Variants in GSR observed in about 807,000 individuals in gnomAD.
The protein encoded by GSR is glutathione-disulfide reductase.
Under a neutral mutation model 56.5 loss-of-function variants are expected in GSR, and 48 were observed. The ratio of observed to expected loss-of-function variants is 0.85; its 90% CI spans 0.67 to 1.08. The LOEUF (loss-of-function observed/expected upper bound fraction) is 1.08, where lower values mean the gene tolerates loss of function less well. Among genes scored for constraint, GSR ranks in the 50% least tolerant of loss-of-function variants. GSR has a pLI of 0.00. For synonymous variants in GSR, 264 were observed against 270.8 expected (o/e 0.97, Z 0.25); for missense variants, 694 against 703.3 (o/e 0.99, Z 0.15).
At chr8:30,700,200 AT>A in intron 5 of GSR, 65 bp from the exon 6 acceptor site, 1 of 1,155,956 alleles carries the variant, frequency 8.7e-7, no homozygotes, top group Non-Finnish European at 1.3e-6. Context: ...TAATCACAAC[AT>A]TTTATGCCAA....
At chr8:30,716,876 G>A (rs941696652) in intron 1 of GSR, among the ~76,000 whole-genome samples, 7 of 152,156 alleles carry the variant, frequency 4.6e-5, no homozygotes, top group South Asian at 2.1e-4. Context: ...GCATGCTCTC[G>A]CTCACCCATC....
Position 30,709,922 on chromosome 8 carries a change from A to G in GSR, c.334-20T>C. ...CATTACCTGTAAAAAAAAAAAAAAA[A>G]AAGGATCCAAAACAGCAGTAAATCA... On this transcript the variant is annotated intron_variant, in intron 2 of 12. Coordinates refer to ENST00000221130, the MANE Select transcript of GSR (RefSeq NM_000637.5). The G allele has an allele frequency of 7.2e-7, 1 of 1,382,160 alleles. No individual in the cohort carries two copies. Among genetic ancestry groups the G allele is most frequent in the Non-Finnish European group, 1.0e-6 (1 of 981,224 alleles). 85.6% of individuals were successfully genotyped at this position (1,382,160 alleles called of 1,614,324 possible).
At chr8:30,695,086 T>G (rs1046670141) in intron 7 of GSR, among the ~76,000 whole-genome samples, 1 of 151,316 alleles carries the variant, frequency 6.6e-6, no homozygotes, top group African/African-American at 2.4e-5. Flanking sequence ...AAATTTCAAG[T>G]GTATGATCTA....
intron 9 of GSR, among the ~76,000 whole-genome samples, chr8:30,684,624 G>A (rs1241926808): frequency 1.3e-5 from 2 of 152,184 alleles, no homozygotes; most frequent in Non-Finnish European, 2.9e-5. Flanking sequence ...CAGACATGAA[G>A]AGGATCACTC....
intron 10 of GSR, 124 bp downstream of exon 10, chr8:30,683,964 T>C (rs2128737672): frequency 1.3e-6 from 1 of 761,180 alleles, no homozygotes; most frequent in East Asian, 2.5e-5. Flanking sequence ...TTGTACCATT[T>C]TGACAATATA....
At chr8:30,708,194 A>C (rs1803981978) in intron 3 of GSR, 53 bp from the exon 4 acceptor site, 1 of 1,278,912 alleles carries the variant, frequency 7.8e-7, no homozygotes, top group Non-Finnish European at 1.1e-6. Context: ...CCTTCTAGTT[A>C]GTAACTAAGG....
At chr8:30,700,880 G>A (rs1281977329) in intron 5 of GSR, among the ~76,000 whole-genome samples, 4 of 152,070 alleles carry the variant, frequency 2.6e-5, no homozygotes, top group Non-Finnish European at 5.9e-5. Flanking sequence ...TGAAACCTTT[G>A]GATATAGGAT....
intron 7 of GSR, among the ~76,000 whole-genome samples, chr8:30,695,420 G>A (rs1803511927): frequency 6.6e-6 from 1 of 151,948 alleles, no homozygotes; most frequent in Non-Finnish European, 1.5e-5. Flanking sequence ...TTTTAGTAGA[G>A]ATGGGGTTTC....
chr8:30,724,328 G>A (rs1332545287), intron 1 of GSR, among the ~76,000 whole-genome samples: 1 of 152,140 alleles, frequency 6.6e-6, no homozygotes, highest in Non-Finnish European at 1.5e-5. Context: ...TCACTGGTTT[G>A]CTCAAACCCA....
At chr8:30,706,190 AG>A (rs1272373177) in intron 4 of GSR, among the ~76,000 whole-genome samples, 1 of 151,002 alleles carries the variant, frequency 6.6e-6, no homozygotes, top group Non-Finnish European at 1.5e-5. Context: ...AAAAAAAAAA[AG>A]TTACTGATCT....
At chr8:30,725,580 C>A (rs73581165) in intron 1 of GSR, among the ~76,000 whole-genome samples, 17,888 of 149,180 alleles carry the variant, frequency 0.12, 3,310 homozygotes, top group African/African-American at 0.4. Flanking sequence ...TAGATAAATA[C>A]ATTTTAAAAA....
In GSR at chr8:30,700,722, C is replaced by CAAA. The variant is rs1563535549; in HGVS notation, c.641-588_641-587insTTT. Among the ~76,000 whole-genome samples, 5 of 8,424 alleles carry CAAA rather than the reference C, an allele frequency of 5.9e-4. 1 individual carries two copies. The highest frequency in any genetic ancestry group is 8.6e-4 in the African/African-American group (5 of 5,798). The allele number at this position is 8,424 out of a possible 152,430, so 5.5% of individuals were successfully genotyped here. A position where few individuals can be genotyped will look rare whatever the true frequency, so the allele number is the denominator to read the frequency against. On this transcript the variant is annotated intron_variant, in intron 5 of 12. Transcript: ENST00000221130. Reference sequence around the variant, plus strand: ...CTGGGAACAGAGCAAGATTTTGTCTCCAAAAAAAAAAAAAAAAAAAAAAAA... The same window carrying CAAA: ...CTGGGAACAGAGCAAGATTTTGTCTCAAACAAAAAAAAAAAAAAAAAAAAAAAA...
intron 1 of GSR, chr8:30,726,873 C>G (rs1804741461): frequency 2.0e-5 from 3 of 152,280 alleles, no homozygotes; most frequent in Admixed American, 2.0e-4. Context: ...CAAGACAAAA[C>G]AAAAGCTCTG....
At chr8:30,701,050 T>C (rs562742811) in intron 5 of GSR, among the ~76,000 whole-genome samples, 1 of 152,254 alleles carries the variant, frequency 6.6e-6, no homozygotes, top group South Asian at 2.1e-4. Flanking sequence ...TTCCAACCCA[T>C]ATCTCTCTCA....
At chr8:30,712,148 T>C (rs991120371) in intron 1 of GSR, 60 bp from the exon 2 acceptor site, 4 of 922,970 alleles carry the variant, frequency 4.3e-6, no homozygotes, top group Non-Finnish European at 7.0e-6. Flanking sequence ...TCAAACGAAA[T>C]CTGCAAGAAA....
intron 4 of GSR, among the ~76,000 whole-genome samples, chr8:30,703,758 G>C (rs1472214910): frequency 1.3e-5 from 2 of 149,380 alleles, no homozygotes; most frequent in African/African-American, 2.5e-5. Flanking sequence ...GGAGAAAGAA[G>C]AAGAAGGAAG....
At chr8:30,686,888 G>A (rs983916078) in intron 9 of GSR, among the ~76,000 whole-genome samples, 3 of 151,342 alleles carry the variant, frequency 2.0e-5, no homozygotes, top group South Asian at 2.1e-4. Flanking sequence ...CAGGGCTGGA[G>A]TGCAATGGCG....
chr8:30,713,550 G>C (rs956622387), intron 1 of GSR, among the ~76,000 whole-genome samples: 2 of 151,648 alleles, frequency 1.3e-5, no homozygotes, highest in African/African-American at 4.8e-5. Context: ...GTAGAGATGG[G>C]GATTCGCCTT....
Position 30,685,901 on chromosome 8 carries a change from C to T in GSR, c.1042-1702G>A, listed in dbSNP as rs146939446. Among the ~76,000 whole-genome samples the T allele has an allele frequency of 2.1e-4, 30 of 142,926 alleles. 1 individual carries two copies. The East Asian group carries it at 6.7e-3, about 32-fold the overall frequency. The allele number at this position is 142,926 out of a possible 152,430, so 93.8% of individuals were successfully genotyped here. A position where few individuals can be genotyped will look rare whatever the true frequency, so the allele number is the denominator to read the frequency against. On this transcript the variant is annotated intron_variant, in intron 9 of 12. Transcript: ENST00000221130. Reference sequence around the variant, plus strand: ...ACTTGGGAAGCTGAGGCAGGAGAATCACTTGAACCCAGGGGGCGGAGATTG... The same window carrying T: ...ACTTGGGAAGCTGAGGCAGGAGAATTACTTGAACCCAGGGGGCGGAGATTG...
Sources: gnomAD v4.1 joint callset for allele counts (sites outside exome capture counted in the v4.1 genomes callset) on GRCh38, gnomAD v4.1.1 for gene constraint, MANE v1.5 for transcripts, NCBI Gene and HGNC (gene_info 2026-07-23, HGNC 2026-07-21) for gene names.